SDK1: variants seen among roughly 807,000 people sequenced by gnomAD.
The protein encoded by SDK1 is sidekick cell adhesion molecule 1.
In SDK1, 157 loss-of-function variants were observed where a neutral mutation model predicts 245.5. The observed-to-expected ratio is 0.64, with a 90% CI of 0.56 to 0.73. The LOEUF (loss-of-function observed/expected upper bound fraction) is 0.73. SDK1 is among the 30% of genes least tolerant of loss of function. The probability of loss-of-function intolerance (pLI) is 0.00; values close to 1 mark genes in which losing one functional copy is unlikely to be tolerated. For missense variants in SDK1, 3,583 were observed against 3,002.3 expected (o/e 1.19, Z -4.52); for synonymous variants, 1,647 against 1,278.5 (o/e 1.29, Z -6.15).
intron 14 of SDK1, among the ~76,000 whole-genome samples, chr7:4,001,130 G>T (rs888906061): frequency 6.6e-6 from 1 of 152,162 alleles, no homozygotes; most frequent in African/African-American, 2.4e-5. Flanking sequence ...TGCCTGTGGT[G>T]ACCGCACGGT....
intron 19 of SDK1, 109 bp downstream of exon 19, chr7:4,051,939 A>G: frequency 1.0e-6 from 1 of 987,518 alleles, no homozygotes; most frequent in South Asian, 1.7e-5. Flanking sequence ...GAGGCCCCGG[A>G]TTTTTGGAGT....
intron 4 of SDK1, among the ~76,000 whole-genome samples, chr7:3,711,007 A>C (rs1785034552): frequency 1.3e-5 from 2 of 152,226 alleles, no homozygotes; most frequent in South Asian, 4.1e-4. Context: ...ATTAAATTTT[A>C]TTCCCAGGAA....
At position 3,487,542 on chromosome 7, in the gene SDK1, G is replaced by T. The variant is rs141655470; in HGVS notation, c.299-131538G>T. ...AGATCACCTGAGCCCAGGAGTTCGA[G>T]ACCAGCTTGGGCAACGTGGTGAAGC... On this transcript the variant is annotated intron_variant, in intron 1 of 44. Transcript: ENST00000404826. 3.8e-4 allele frequency among the ~76,000 whole-genome samples: 58 copies of T among 152,052 alleles called. 1 individual carries two copies. Among genetic ancestry groups the T allele is most frequent in the African/African-American group, 1.4e-3 (58 of 41,506 alleles).
At chr7:3,672,786 TA>T (rs1783754792) in intron 4 of SDK1, among the ~76,000 whole-genome samples, 1 of 105,618 alleles carries the variant, frequency 9.5e-6, no homozygotes, top group South Asian at 3.0e-4. Flanking sequence ...TATATATATA[TA>T]TATATATAAA....
intron 5 of SDK1, among the ~76,000 whole-genome samples, chr7:3,858,879 T>C (rs78525626): frequency 6.7e-6 from 1 of 150,164 alleles, no homozygotes; most frequent in Non-Finnish European, 1.5e-5. Flanking sequence ...TTTTTTTTTT[T>C]TGAGATAGAG....
intron 5 of SDK1, among the ~76,000 whole-genome samples, chr7:3,936,309 C>T (rs773396727): frequency 9.9e-5 from 15 of 152,030 alleles, no homozygotes; most frequent in East Asian, 9.7e-4. Context: ...GGGCCGGGCA[C>T]GGTGGCTCAC....
At chr7:3,905,390 A>G (rs1022647409) in intron 5 of SDK1, among the ~76,000 whole-genome samples, 1 of 152,134 alleles carries the variant, frequency 6.6e-6, no homozygotes, top group African/African-American at 2.4e-5. Flanking sequence ...CTAGGTTGAT[A>G]TTTCACTTTC....
rs1374864736 is a variant in SDK1, at chr7:4,074,908, ATATATATATTTT to A, written c.3011-2088_3011-2077del. 2.6e-5 allele frequency among the ~76,000 whole-genome samples: 2 copies of A among 77,454 alleles called. 1 individual carries two copies. The highest frequency in any genetic ancestry group is 1.9e-4 in the African/African-American group (2 of 10,300). 50.8% of individuals were successfully genotyped at this position (77,454 alleles called of 152,430 possible). ...TCTGTATATATATATATATATATATATATATATATTTTTTTTTTTTTTTAATAAAGTTAGGAA... is the reference window on the plus strand; with the variant it reads ...TCTGTATATATATATATATATATATATTTTTTTTTTTAATAAAGTTAGGAA... On this transcript the variant is annotated intron_variant, in intron 20 of 44. Coordinates refer to ENST00000404826, the MANE Select transcript of SDK1 (RefSeq NM_152744.4).
chr7:4,120,329 A>G (rs1783975853), intron 25 of SDK1, among the ~76,000 whole-genome samples: 2 of 149,124 alleles, frequency 1.3e-5, no homozygotes, highest in Non-Finnish European at 1.5e-5. Context: ...TGTATTTGCT[A>G]CAACTGTAAA....
intron 1 of SDK1, among the ~76,000 whole-genome samples, chr7:3,402,351 C>T (rs1276168640): frequency 6.6e-6 from 1 of 152,058 alleles, no homozygotes; most frequent in African/African-American, 2.4e-5. Flanking sequence ...ATTGTGTCTG[C>T]CCAAGAAATT....
chr7:3,507,029 A>G (rs982523699), intron 1 of SDK1, among the ~76,000 whole-genome samples: 13 of 152,094 alleles, frequency 8.5e-5, no homozygotes, highest in Non-Finnish European at 1.8e-4. Flanking sequence ...TAGTCTCTTC[A>G]AGCCGGGGTT....
intron 4 of SDK1, among the ~76,000 whole-genome samples, chr7:3,761,477 C>T (rs1780100481): frequency 6.6e-6 from 1 of 150,988 alleles, no homozygotes; most frequent in Non-Finnish European, 1.5e-5. Context: ...TGGCCTGAAC[C>T]CGGGAGGCGG....
At chr7:3,470,680 T>C (rs969210460) in intron 1 of SDK1, among the ~76,000 whole-genome samples, 2 of 152,130 alleles carry the variant, frequency 1.3e-5, no homozygotes, top group African/African-American at 4.8e-5. Context: ...CTGAAATGAA[T>C]GTTTACTTGA....
intron 1 of SDK1, among the ~76,000 whole-genome samples, chr7:3,348,405 G>A (rs1264360219): frequency 6.6e-6 from 1 of 152,164 alleles, no homozygotes; most frequent in Non-Finnish European, 1.5e-5. Flanking sequence ...CATGTCATTT[G>A]TAGCAAGGTG....
intron 4 of SDK1, among the ~76,000 whole-genome samples, chr7:3,667,319 C>G (rs1012808364): frequency 6.6e-6 from 1 of 152,110 alleles, no homozygotes; most frequent in African/African-American, 2.4e-5. Context: ...ATGGTAACAC[C>G]ATTTATTTTT....
chr7:3,640,421 G>T (rs1782612080), intron 3 of SDK1, among the ~76,000 whole-genome samples: 1 of 152,160 alleles, frequency 6.6e-6, no homozygotes, highest in African/African-American at 2.4e-5. Context: ...ACTGAGTGAA[G>T]TGGAGATGCT....
chr7:3,961,480 T>C (rs887311879), intron 8 of SDK1, among the ~76,000 whole-genome samples: 1 of 152,234 alleles, frequency 6.6e-6, no homozygotes, highest in Non-Finnish European at 1.5e-5. Context: ...CATGTCAAGA[T>C]ATGTTTTTTA....
At chr7:3,927,217 G>A (rs1779803978) in intron 5 of SDK1, among the ~76,000 whole-genome samples, 1 of 152,168 alleles carries the variant, frequency 6.6e-6, no homozygotes, top group African/African-American at 2.4e-5. Flanking sequence ...GAACGTGCTG[G>A]TATTCCAGAA....
intron 4 of SDK1, among the ~76,000 whole-genome samples, chr7:3,693,820 T>C (rs1784499788): frequency 6.6e-6 from 1 of 152,148 alleles, no homozygotes; most frequent in African/African-American, 2.4e-5. Context: ...ATCCCCTAGC[T>C]ATGTATACTG....
Sources: gnomAD v4.1 joint callset for allele counts (sites outside exome capture counted in the v4.1 genomes callset) on GRCh38, gnomAD v4.1.1 for gene constraint, MANE v1.5 for transcripts, NCBI Gene and HGNC (gene_info 2026-07-23, HGNC 2026-07-21) for gene names.